NT5C1B: variants seen among roughly 807,000 people sequenced by gnomAD.
NT5C1B encodes cytosolic 5'-nucleotidase 1B.
NT5C1B carries 44 observed loss-of-function variants against 57.8 expected under a neutral mutation model. The ratio of observed to expected loss-of-function variants is 0.76; its 90% CI spans 0.60 to 0.98. The LOEUF is 0.98. NT5C1B is among the 50% of genes least tolerant of loss of function. The pLI is 0.00. For missense variants in NT5C1B, 742 were observed against 719.5 expected (o/e 1.03, Z -0.36); for synonymous variants, 284 against 282.6 (o/e 1.00, Z -0.05).
chr2:18,576,799 T>C, exon 7 of NT5C1B: 1 of 1,613,902 alleles, frequency 6.2e-7, no homozygotes, highest in Non-Finnish European at 8.5e-7. Context: ...TTGCACTTTT[T>C]CAGAATCTGC....
rs746588145 is a variant in NT5C1B at position 18,584,070 on chromosome 2, A to C, written c.891+18T>G. The C allele has an allele frequency of 5.6e-6, 9 of 1,614,072 alleles. No individual in the cohort carries two copies. The highest frequency in any genetic ancestry group is 1.7e-6 in the Non-Finnish European group (2 of 1,180,040). On this transcript the variant is annotated intron_variant, in intron 5 of 8. Transcript: ENST00000304081. This position sits in a 1 kb window ranked among gnomAD's most constrained non-coding sequence, Gnocchi z 5.8. ...GCCATCGAGTGTCCTGGCGGGCCAAAGACAGCTTGCAGAATACCTTGACGA... is the reference window on the plus strand; with the variant it reads ...GCCATCGAGTGTCCTGGCGGGCCAACGACAGCTTGCAGAATACCTTGACGA...
rs539590587 is a variant in NT5C1B at position 18,584,021 on chromosome 2, A to G, written c.891+67T>C. ...ATCTGGGAAATTGGATGCCCTCCCA[A>G]GGGTTGGCCTGGGTCCCTCCCTCGC... On this transcript the variant is annotated intron_variant, in intron 5 of 8. Coordinates refer to ENST00000304081, the Ensembl canonical transcript of NT5C1B. This position sits in a 1 kb window ranked among gnomAD's most constrained non-coding sequence, Gnocchi z 5.8. 7.3e-5 allele frequency: 117 copies of G among 1,612,648 alleles called. No individual in the cohort carries two copies. Among genetic ancestry groups the G allele is most frequent in the Non-Finnish European group, 9.1e-5 (107 of 1,179,434 alleles).
chr2:18,579,842 AACAG>A (rs779522591), intron 6 of NT5C1B, among the ~76,000 whole-genome samples: 3 of 152,222 alleles, frequency 2.0e-5, no homozygotes, highest in Non-Finnish European at 4.4e-5. Flanking sequence ...CAACAGAGTA[AACAG>A]ACAGCCTATA....
At chr2:18,580,133 T>C (rs2148146158) in intron 6 of NT5C1B, among the ~76,000 whole-genome samples, 1 of 152,224 alleles carries the variant, frequency 6.6e-6, no homozygotes, top group Admixed American at 6.5e-5. Context: ...AGTTAAAAAA[T>C]GACCTGCTGG....
At position 18,576,866 on chromosome 2, in the gene NT5C1B, C is replaced by T. The variant is rs145698850; in HGVS notation, c.1051G>A (p.Gly351Arg). Residue 351 changes from glycine (G) to arginine (R), a missense_variant, in exon 7 of 9, where the codon GGG (glycine) becomes AGG (arginine). Coordinates refer to ENST00000304081, the Ensembl canonical transcript of NT5C1B. ...AAATAGCCAATGGGGTCTTTTCCCC[C>T]GGTCAGACAGAAGCGGTCAATCAGT... 4.1e-4 allele frequency: 655 copies of T among 1,613,736 alleles called. 2 individuals are homozygous for T. In the East Asian group the frequency reaches 4.4e-3, roughly 11 times the overall value.
At chr2:18,564,065 C>T in exon 9 of NT5C1B, 2 of 1,607,818 alleles carry the variant, frequency 1.2e-6, no homozygotes, top group Non-Finnish European at 1.7e-6. Flanking sequence ...TCATTTTTGG[C>T]ATAGAACTTC....
intron 7 of NT5C1B, 70 bp downstream of exon 7, chr2:18,576,703 C>G: frequency 1.9e-6 from 3 of 1,585,762 alleles, no homozygotes; most frequent in Non-Finnish European, 2.6e-6. Context: ...TAATCATATG[C>G]GAAACTTAAT....
chr2:18,576,174 T>C lies in NT5C1B; in HGVS notation c.1329+10A>G. ...GTACATAAAAATTAATTAGCACTCA[T>C]TGAACCTACCTGAGCAAGAGGCTTA... On this transcript the variant is annotated intron_variant, in intron 8 of 8. Coordinates refer to ENST00000304081, the Ensembl canonical transcript of NT5C1B. 1 of 1,596,788 alleles carries C rather than the reference T, an allele frequency of 6.3e-7. No homozygotes were observed. Among genetic ancestry groups the C allele is most frequent in the Middle Eastern group, 1.9e-4 (1 of 5,166 alleles).
chr2:18,564,106 C>G, exon 9 of NT5C1B: 7 of 1,572,226 alleles, frequency 4.5e-6, no homozygotes, highest in Non-Finnish European at 6.0e-6. Context: ...TTCCAGAAAG[C>G]CTTTTAGGGG....
At position 18,573,191 on chromosome 2, in the gene NT5C1B, G is replaced by A. The variant is rs369824562; in HGVS notation, c.1329+2993C>T. 1.1e-4 allele frequency among the ~76,000 whole-genome samples: 17 copies of A among 152,182 alleles called. No individual in the cohort carries two copies. The South Asian group carries it at 3.5e-3, about 32-fold the overall frequency. On this transcript the variant is annotated intron_variant, in intron 8 of 8. Coordinates refer to ENST00000304081, the Ensembl canonical transcript of NT5C1B. ...TAAATAAAAGAAGTCAGATTGCATC[G>A]TGTATGATTCCATTTATGTGACACC...
At chr2:18,573,910 T>C (rs1382531367) in intron 8 of NT5C1B, among the ~76,000 whole-genome samples, 2 of 152,072 alleles carry the variant, frequency 1.3e-5, no homozygotes, top group Non-Finnish European at 1.5e-5. Flanking sequence ...ATAAGTAGGG[T>C]TGGGATTCAC....
chr2:18,569,923 A>C (rs1664997507), intron 8 of NT5C1B, among the ~76,000 whole-genome samples: 1 of 152,142 alleles, frequency 6.6e-6, no homozygotes. Context: ...AATACACATG[A>C]CATATTCATC....
At chr2:18,587,220 C>G in intron 2 of NT5C1B, 1 of 1,568,958 alleles carries the variant, frequency 6.4e-7, no homozygotes, top group Non-Finnish European at 8.7e-7. Flanking sequence ...CAGACCCCCT[C>G]CCCTCCCTGA....
intron 8 of NT5C1B, among the ~76,000 whole-genome samples, chr2:18,567,947 A>C (rs1292307159): frequency 6.6e-6 from 1 of 152,204 alleles, no homozygotes; most frequent in African/African-American, 2.4e-5. Flanking sequence ...AAGAGTGCCT[A>C]ATGGATGTGT....
rs1558384119 is a variant in NT5C1B at position 18,582,860 on chromosome 2, T to C, written c.1021+8A>G. 1.2e-6 allele frequency: 2 copies of C among 1,612,312 alleles called. No homozygotes were observed. The highest frequency in any genetic ancestry group is 1.7e-6 in the Non-Finnish European group (2 of 1,179,314). On this transcript the variant is annotated splice_region_variant and intron_variant, in intron 6 of 8. Coordinates refer to ENST00000304081, the Ensembl canonical transcript of NT5C1B. ...GCTGGTCTTCCACATGGTATTTATT[T>C]TACTTACCGTAGTGATTGACGCTGT...
At chr2:18,587,153 C>A in intron 2 of NT5C1B, 1 of 1,613,614 alleles carries the variant, frequency 6.2e-7, no homozygotes, top group Middle Eastern at 1.7e-4. Context: ...GCGAGTGATT[C>A]GGATTGACTG....
At position 18,574,169 on chromosome 2, in the gene NT5C1B, T is replaced by C. The variant is rs144290725; in HGVS notation, c.1329+2015A>G. On this transcript the variant is annotated intron_variant, in intron 8 of 8. Transcript: ENST00000304081. The stretch of plus-strand genomic sequence containing the variant: ...GTTAAAAATGGGCAAAGGACTTGAA[T>C]AGACATTTCTCTAAAGAACACATAC... Among the ~76,000 whole-genome samples, 1,176 of 152,216 alleles carry C rather than the reference T, an allele frequency of 7.7e-3. 9 individuals carry two copies. The highest frequency in any genetic ancestry group is 0.027 in the Middle Eastern group (8 of 294).
intron 1 of NT5C1B, among the ~76,000 whole-genome samples, chr2:18,588,320 A>G (rs1039933582): frequency 1.3e-5 from 2 of 152,220 alleles, no homozygotes; most frequent in Non-Finnish European, 2.9e-5. Flanking sequence ...AGTAGCTGCA[A>G]TGTGATCAAG....
chr2:18,564,210 CA>C, intron 8 of NT5C1B, 91 bp from the exon 9 acceptor site: 1 of 1,404,554 alleles, frequency 7.1e-7, no homozygotes, highest in East Asian at 2.3e-5. Flanking sequence ...CGATACAATA[CA>C]AAGGATATAA....
Sources: allele counts gnomAD v4.1 joint callset (sites outside exome capture counted in the v4.1 genomes callset), GRCh38; gene constraint gnomAD v4.1.1; non-coding constraint Gnocchi (gnomAD v3.1); transcripts MANE v1.5; gene names NCBI Gene and HGNC (gene_info 2026-07-23, HGNC 2026-07-21).